Variants in CNTN4 observed in about 807,000 individuals in gnomAD.
CNTN4 encodes the protein contactin-4.
CNTN4 carries 77 observed loss-of-function variants against 122.5 expected under a neutral mutation model. That is an observed-to-expected ratio of 0.63 (90% CI 0.52 to 0.76). The LOEUF (loss-of-function observed/expected upper bound fraction) is 0.76. Among genes scored for constraint, CNTN4 ranks in the 30% least tolerant of loss-of-function variants. The pLI, the probability that CNTN4 is intolerant of heterozygous loss-of-function variation, is 0.00. For synonymous variants in CNTN4, 512 were observed against 447.0 expected (o/e 1.15, Z -1.83); for missense variants, 1,256 against 1,259.1 (o/e 1.00, Z 0.04).
At chr3:2,395,155 A>T (rs1438601153) in intron 3 of CNTN4, among the ~76,000 whole-genome samples, 4 of 152,230 alleles carry the variant, frequency 2.6e-5, no homozygotes, top group African/African-American at 9.6e-5. Flanking sequence ...GTAGGAGAAT[A>T]CATAAACTGT....
chr3:2,340,033 AT>A (rs1445009096), intron 3 of CNTN4, among the ~76,000 whole-genome samples: 3 of 152,280 alleles, frequency 2.0e-5, no homozygotes, highest in Non-Finnish European at 4.4e-5. Flanking sequence ...GTGTCCAAAT[AT>A]TCTTCTTCTT....
In CNTN4 at chr3:2,392,854, A is replaced by G. The variant is rs1295498393; in HGVS notation, c.-89+53621A>G. Among the ~76,000 whole-genome samples, 5 of 152,284 alleles carry G rather than the reference A, an allele frequency of 3.3e-5. No homozygotes were observed. In the East Asian group the frequency reaches 7.7e-4, roughly 24 times the overall value. On this transcript the variant is annotated intron_variant, in intron 3 of 24. Transcript: ENST00000418658. Reference sequence around the variant, plus strand: ...TACCACAAACTGGGTGGCTTCAACAATAACAATAGAACACCAAAACTCATT... The same window carrying G: ...TACCACAAACTGGGTGGCTTCAACAGTAACAATAGAACACCAAAACTCATT...
At chr3:2,598,301 G>A (rs1296434916) in intron 4 of CNTN4, among the ~76,000 whole-genome samples, 4 of 152,156 alleles carry the variant, frequency 2.6e-5, no homozygotes, top group African/African-American at 9.7e-5. Flanking sequence ...AATTGCAGTG[G>A]TATTAGCAAG....
chr3:2,558,338 ATAGC>A (rs1399102680), intron 3 of CNTN4, among the ~76,000 whole-genome samples: 2 of 152,152 alleles, frequency 1.3e-5, no homozygotes, highest in African/African-American at 4.8e-5. Context: ...TGCATTGTTT[ATAGC>A]ATTCATTTCT....
chr3:2,232,308 G>T (rs955225175), intron 2 of CNTN4, among the ~76,000 whole-genome samples: 1 of 152,072 alleles, frequency 6.6e-6, no homozygotes, highest in Non-Finnish European at 1.5e-5. Context: ...AAAACATTCA[G>T]AGTAGTTGAA....
At chr3:2,730,626 C>T (rs1224126116) in intron 4 of CNTN4, among the ~76,000 whole-genome samples, 2 of 152,146 alleles carry the variant, frequency 1.3e-5, no homozygotes, top group Non-Finnish European at 2.9e-5. Flanking sequence ...TTTCCTAGCT[C>T]CACCCACCCT....
chr3:2,884,426 G>A (rs2093946767), intron 9 of CNTN4, among the ~76,000 whole-genome samples: 2 of 152,092 alleles, frequency 1.3e-5, no homozygotes, highest in Admixed American at 1.3e-4. Flanking sequence ...CTTTGGTACA[G>A]TACAATGCAG....
intron 6 of CNTN4, among the ~76,000 whole-genome samples, chr3:2,787,148 G>C (rs184235576): frequency 1.3e-5 from 2 of 152,088 alleles, no homozygotes; most frequent in African/African-American, 4.8e-5. Context: ...AGGCCGAGGC[G>C]GGTGGATCAC....
chr3:2,597,137 A>C (rs916420268), intron 4 of CNTN4, among the ~76,000 whole-genome samples: 2 of 152,188 alleles, frequency 1.3e-5, no homozygotes, highest in Non-Finnish European at 2.9e-5. Flanking sequence ...CTTAGCAGCC[A>C]CTGTCCTTTC....
At chr3:2,806,428 G>A (rs368593917) in intron 6 of CNTN4, among the ~76,000 whole-genome samples, 1 of 152,140 alleles carries the variant, frequency 6.6e-6, no homozygotes, top group Non-Finnish European at 1.5e-5. Context: ...CTGTCAGGCC[G>A]CACAAAGGAT....
chr3:2,644,401 T>TG (rs2083027137), intron 4 of CNTN4, among the ~76,000 whole-genome samples: 1 of 152,114 alleles, frequency 6.6e-6, no homozygotes, highest in South Asian at 2.1e-4. Flanking sequence ...TTCTAACACT[T>TG]TTACCATCTT....
intron 4 of CNTN4, among the ~76,000 whole-genome samples, chr3:2,581,580 G>A (rs958981881): frequency 6.6e-6 from 1 of 152,138 alleles, no homozygotes; most frequent in African/African-American, 2.4e-5. Context: ...CCTTCATAGA[G>A]GAGAGAATGT....
At chr3:2,567,136 G>A (rs1444928200) in intron 3 of CNTN4, among the ~76,000 whole-genome samples, 1 of 146,122 alleles carries the variant, frequency 6.8e-6, no homozygotes, top group African/African-American at 2.5e-5. Context: ...CCAGGCTGGA[G>A]TGCAGTGATG....
At chr3:2,761,502 G>A (rs1475487590) in intron 6 of CNTN4, among the ~76,000 whole-genome samples, 2 of 151,116 alleles carry the variant, frequency 1.3e-5, no homozygotes, top group Non-Finnish European at 1.5e-5. Flanking sequence ...CTAGTCACAT[G>A]TAGATGTACA....
intron 2 of CNTN4, among the ~76,000 whole-genome samples, chr3:2,131,925 G>C (rs1192437165): frequency 6.6e-6 from 1 of 152,102 alleles, no homozygotes; most frequent in Non-Finnish European, 1.5e-5. Context: ...CATTGTGTTA[G>C]CTAAGATAGC....
intron 2 of CNTN4, among the ~76,000 whole-genome samples, chr3:2,323,698 C>T (rs1169441964): frequency 6.6e-6 from 1 of 152,120 alleles, no homozygotes; most frequent in Non-Finnish European, 1.5e-5. Flanking sequence ...CATTGCAACC[C>T]TGACTTGAAT....
At chr3:2,536,129 A>G (rs1253578212) in intron 3 of CNTN4, among the ~76,000 whole-genome samples, 1 of 152,176 alleles carries the variant, frequency 6.6e-6, no homozygotes, top group Non-Finnish European at 1.5e-5. Flanking sequence ...TCCAATAGGC[A>G]GGGATTTAAG....
chr3:2,722,125 C>T lies in CNTN4; in HGVS notation c.56-14090C>T, dbSNP rs181114614. On this transcript the variant is annotated intron_variant, in intron 4 of 24. Coordinates refer to ENST00000418658, the MANE Select transcript of CNTN4 (RefSeq NM_175607.3). ...TGTTATTTTGTTAAAGCAACCTGAACAGACTAAGACGCTATTTAAAATTGC... is the reference window on the plus strand; with the variant it reads ...TGTTATTTTGTTAAAGCAACCTGAATAGACTAAGACGCTATTTAAAATTGC... Among the ~76,000 whole-genome samples the T allele has an allele frequency of 2.6e-5, 4 of 152,320 alleles. No homozygotes were observed. The East Asian group carries it at 7.7e-4, about 29-fold the overall frequency.
chr3:2,453,880 C>A lies in CNTN4; in HGVS notation c.-89+114647C>A, dbSNP rs1025400076. On this transcript the variant is annotated intron_variant, in intron 3 of 24. Coordinates refer to ENST00000418658, the MANE Select transcript of CNTN4 (RefSeq NM_175607.3). ...TTAAGATGGTTTGACTTGAAACCAG[C>A]AAATCATATGAAACTGTATTTATAA... 1.6e-4 allele frequency among the ~76,000 whole-genome samples: 24 copies of A among 152,020 alleles called. 2 individuals carry two copies. Among genetic ancestry groups the A allele is most frequent in the Admixed American group, 1.4e-3 (22 of 15,228 alleles).
Sources: gnomAD v4.1 joint callset for allele counts (sites outside exome capture counted in the v4.1 genomes callset) on GRCh38, gnomAD v4.1.1 for gene constraint, MANE v1.5 for transcripts, NCBI Gene and HGNC (gene_info 2026-07-23, HGNC 2026-07-21) for gene names.